The following TTC28 variants were observed in gnomAD, a reference collection of about 807,000 sequenced individuals.
The protein encoded by TTC28 is tetratricopeptide repeat protein 28.
A neutral mutation model predicts 198.0 loss-of-function variants in TTC28; 61 were observed. The ratio of observed to expected loss-of-function variants is 0.31; its 90% CI spans 0.25 to 0.38. The LOEUF is 0.38. Ranked by LOEUF, TTC28 falls within the 10% of genes least tolerant of loss-of-function variation. The pLI is 1.00. For synonymous variants in TTC28, 1,171 were observed against 1,297.8 expected (o/e 0.90, Z 2.10); for missense variants, 2,678 against 3,164.0 (o/e 0.85, Z 3.69).
chr22:27,987,724 T>G (rs62235644), intron 21 of TTC28, among the ~76,000 whole-genome samples: 2 of 150,088 alleles, frequency 1.3e-5, no homozygotes, highest in East Asian at 1.9e-4. Flanking sequence ...AAAAAAAGGT[T>G]GTGGTTGTGG....
At chr22:28,225,749 AT>A (rs1928291249) in intron 5 of TTC28, among the ~76,000 whole-genome samples, 1 of 151,976 alleles carries the variant, frequency 6.6e-6, no homozygotes, top group Non-Finnish European at 1.5e-5. Context: ...ACCAACCAAA[AT>A]TTTTCTCATG....
chr22:28,164,000 C>T (rs939007075), intron 5 of TTC28, among the ~76,000 whole-genome samples: 3 of 152,216 alleles, frequency 2.0e-5, no homozygotes, highest in Admixed American at 1.3e-4. Context: ...AGATTATATC[C>T]CGCACCTGGC....
Position 28,379,289 on chromosome 22 carries a change from A to G in TTC28, c.382-72646T>C, listed in dbSNP as rs1006167019. Among the ~76,000 whole-genome samples, 42 of 152,242 alleles carry G rather than the reference A, an allele frequency of 2.8e-4. 1 individual carries two copies. Among genetic ancestry groups the G allele is most frequent in the Non-Finnish European group, 2.9e-5 (2 of 68,038 alleles). ...TTCTACCTATGGCTATATACCCAAA[A>G]TAACTGAAAGCAGGGACTCAGACAT... On this transcript the variant is annotated intron_variant, in intron 2 of 22. Coordinates refer to ENST00000397906, the MANE Select transcript of TTC28 (RefSeq NM_001145418.2).
At chr22:28,113,716 T>TTGTG (rs527299041) in intron 6 of TTC28, among the ~76,000 whole-genome samples, 177 of 152,250 alleles carry the variant, frequency 1.2e-3, no homozygotes, top group African/African-American at 3.8e-3. Context: ...GCTTTAAAAA[T>TTGTG]TGTGTGTGTG....
chr22:28,238,869 T>C (rs930108505), intron 5 of TTC28, among the ~76,000 whole-genome samples: 1 of 152,224 alleles, frequency 6.6e-6, no homozygotes, highest in Non-Finnish European at 1.5e-5. Flanking sequence ...TTTCTCTTTG[T>C]TGCCCCTTCC....
At chr22:28,491,496 A>C (rs1469888723) in intron 2 of TTC28, among the ~76,000 whole-genome samples, 1 of 152,228 alleles carries the variant, frequency 6.6e-6, no homozygotes, top group East Asian at 1.9e-4. Context: ...GCAGCCAAAA[A>C]ACACATGAAA....
At chr22:27,992,796 T>C (rs1937462844) in intron 18 of TTC28, 133 bp from the exon 19 acceptor site, 3 of 782,070 alleles carry the variant, frequency 3.8e-6, no homozygotes, top group Non-Finnish European at 6.1e-6. Flanking sequence ...CAGCTAGACA[T>C]GTGTGTCTGT....
intron 5 of TTC28, among the ~76,000 whole-genome samples, chr22:28,183,499 C>T (rs6005735): frequency 0.062 from 9,363 of 152,206 alleles, 455 homozygotes; most frequent in African/African-American, 0.13. Context: ...TTCTGCTTTG[C>T]TGACATTCTA....
chr22:28,237,576 C>T (rs1929343020), intron 5 of TTC28, among the ~76,000 whole-genome samples: 1 of 152,114 alleles, frequency 6.6e-6, no homozygotes, highest in Non-Finnish European at 1.5e-5. Context: ...TGTTTTTAAA[C>T]ATGTTATAAG....
intron 2 of TTC28, among the ~76,000 whole-genome samples, chr22:28,328,793 AATAATAAT>A (rs1221645534): frequency 3.2e-4 from 47 of 146,130 alleles, no homozygotes; most frequent in South Asian, 6.6e-4. Context: ...TAATAATAAT[AATAATAAT>A]AATATGTTCT....
chr22:28,260,679 T>A (rs1234032634), intron 5 of TTC28, among the ~76,000 whole-genome samples: 2 of 152,124 alleles, frequency 1.3e-5, no homozygotes, highest in African/African-American at 4.8e-5. Flanking sequence ...AAAAACAGCA[T>A]CACCAAAATT....
At chr22:28,371,015 A>T (rs533917868) in intron 2 of TTC28, among the ~76,000 whole-genome samples, 2 of 152,296 alleles carry the variant, frequency 1.3e-5, no homozygotes, top group South Asian at 4.2e-4. Context: ...TTATTAAAGC[A>T]GTGAAACTGT....
Position 28,108,263 on chromosome 22 carries a change from C to T in TTC28, c.1582G>A (p.Gly528Ser), listed in dbSNP as rs1327795817. 1.9e-6 allele frequency: 3 copies of T among 1,550,266 alleles called. No individual in the cohort carries two copies. Among genetic ancestry groups the T allele is most frequent in the Admixed American group, 2.0e-5 (1 of 50,946 alleles). ...TATTTGACCGCCTGGTCGTACATGCCCAGGGCATTGTAGGCATTGCCCATA... is the reference window on the plus strand; with the variant it reads ...TATTTGACCGCCTGGTCGTACATGCTCAGGGCATTGTAGGCATTGCCCATA... ...GNMGNAYNAL[G>S]MYDQAVKYHR... The change falls in exon 7 of 23, where the codon GGC becomes AGC. Residue 528 changes from glycine to serine, a missense_variant. This residue lies in a region of TTC28 where 775 missense variants were observed against 845.9 expected (regional missense o/e 0.92). Coordinates refer to ENST00000397906, the MANE Select transcript of TTC28 (RefSeq NM_001145418.2).
chr22:28,587,934 G>T (rs2146079909), intron 2 of TTC28, among the ~76,000 whole-genome samples: 1 of 151,812 alleles, frequency 6.6e-6, no homozygotes, highest in African/African-American at 2.4e-5. Flanking sequence ...GAGGTCAGGA[G>T]ATCGAGACCA....
At chr22:28,369,687 T>A (rs1274459496) in intron 2 of TTC28, among the ~76,000 whole-genome samples, 2 of 152,186 alleles carry the variant, frequency 1.3e-5, no homozygotes, top group Non-Finnish European at 2.9e-5. Context: ...TTAAATATAA[T>A]AAACGTTTAC....
At chr22:28,489,159 C>T (rs141198539) in intron 2 of TTC28, among the ~76,000 whole-genome samples, 1 of 151,998 alleles carries the variant, frequency 6.6e-6, no homozygotes, top group East Asian at 1.9e-4. Context: ...TAGGGCATGC[C>T]TGTAGTCCCA....
chr22:28,204,311 C>T (rs1469306559), intron 5 of TTC28, among the ~76,000 whole-genome samples: 1 of 152,158 alleles, frequency 6.6e-6, no homozygotes, highest in Non-Finnish European at 1.5e-5. Flanking sequence ...CCATCACTGA[C>T]ACAGAGAGTA....
chr22:28,675,735 TCACACACACACACA>T (rs71316854), intron 1 of TTC28, among the ~76,000 whole-genome samples: 207 of 135,206 alleles, frequency 1.5e-3, no homozygotes, highest in South Asian at 4.1e-3. Context: ...TGAAACCCTG[TCACACACACACACA>T]CACACACACA....
At chr22:28,382,088 A>G (rs2046505754) in intron 2 of TTC28, among the ~76,000 whole-genome samples, 1 of 152,180 alleles carries the variant, frequency 6.6e-6, no homozygotes, top group Non-Finnish European at 1.5e-5. Flanking sequence ...GAACTTAATT[A>G]TTCCATTGTA....
Sources: allele counts gnomAD v4.1 joint callset (sites outside exome capture counted in the v4.1 genomes callset), GRCh38; gene constraint gnomAD v4.1.1; regional missense constraint gnomAD v4.1.1; transcripts MANE v1.5; gene names NCBI Gene and HGNC (gene_info 2026-07-23, HGNC 2026-07-21).